Variants in SPOCD1 observed in about 807,000 individuals in gnomAD.
The protein encoded by SPOCD1 is SPOC domain-containing protein 1.
A neutral mutation model predicts 92.2 loss-of-function variants in SPOCD1; 64 were observed. That is an observed-to-expected ratio of 0.69 (90% CI 0.57 to 0.86). The LOEUF (loss-of-function observed/expected upper bound fraction) is 0.86. SPOCD1 is among the 40% of genes least tolerant of loss of function. SPOCD1 has a pLI of 0.00. For synonymous variants in SPOCD1, 578 were observed against 619.3 expected (o/e 0.93, Z 0.99); for missense variants, 1,360 against 1,543.1 (o/e 0.88, Z 1.99).
At chr1:31,792,561 G>T in intron 14 of SPOCD1, 117 bp downstream of exon 14, 1 of 1,125,648 alleles carries the variant, frequency 8.9e-7, no homozygotes, top group Non-Finnish European at 1.3e-6. Flanking sequence ...CAGTGAGTCT[G>T]CAGTCACTCT....
At position 31,814,775 on chromosome 1, in the gene SPOCD1, C is replaced by G. The variant is rs765715494; in HGVS notation, c.559G>C (p.Glu187Gln). 6.2e-6 allele frequency: 10 copies of G among 1,613,586 alleles called. No homozygotes were observed. Among genetic ancestry groups the G allele is most frequent in the African/African-American group, 2.7e-5 (2 of 74,916 alleles). The change falls in exon 2 of 16, where the codon GAG (glutamate) becomes CAG (glutamine). Residue 187 changes from glutamate to glutamine, a missense_variant. Transcript: ENST00000360482. This position sits in a 1 kb window ranked among gnomAD's most constrained non-coding sequence, Gnocchi z 4.2. The stretch of plus-strand genomic sequence containing the variant: ...GTCAGGGGCCTTCCAGGGGGCTCCT[C>G]TTTGCTGAGTGTGGGGCTTCTTCTG... ...CDRRSPTLSK[E>Q]EPPGRPLTSS...
At position 31,792,291 on chromosome 1, in the gene SPOCD1, C is replaced by T. The variant is rs1397350162; in HGVS notation, c.2886G>A (p.Glu962=). ...GGGGCAGCAGGACCATCCCCATGTGCTCCACAGAGGCCAGCCCGTGGCGCT... is the reference window on the plus strand; with the variant it reads ...GGGGCAGCAGGACCATCCCCATGTGTTCCACAGAGGCCAGCCCGTGGCGCT... ...DRQRHGLASV[E]HMGMVLLPLP... is the part of the protein sequence containing the mutation. The change falls in exon 15 of 16, where the codon GAG becomes GAA. Residue 962 remains glutamate (E), a synonymous_variant. Coordinates refer to ENST00000360482, the MANE Select transcript of SPOCD1 (RefSeq NM_144569.7). The T allele has an allele frequency of 6.2e-7, 1 of 1,613,786 alleles. No individual in the cohort carries two copies. The highest frequency in any genetic ancestry group is 8.5e-7 in the Non-Finnish European group (1 of 1,179,920).
At chr1:31,792,873 G>A in intron 13 of SPOCD1, 106 bp from the exon 14 acceptor site, 1 of 917,408 alleles carries the variant, frequency 1.1e-6, no homozygotes, top group South Asian at 1.4e-5. Context: ...AATATGGGCA[G>A]GCAGTGTTCC....
intron 10 of SPOCD1, chr1:31,795,227 T>C (rs1647924252): frequency 6.6e-6 from 1 of 152,238 alleles, no homozygotes; most frequent in South Asian, 2.1e-4. Context: ...ATCATTGCTT[T>C]AGGAAGGTTT....
intron 10 of SPOCD1, chr1:31,795,209 A>G (rs1160174485): frequency 6.6e-6 from 1 of 152,256 alleles, no homozygotes; most frequent in Non-Finnish European, 1.5e-5. Flanking sequence ...AGCTTTAAAC[A>G]TAAAACAATC....
At position 31,792,696 on chromosome 1, in the gene SPOCD1, G is replaced by T; in HGVS notation, c.2757C>A (p.Ile919=). ...CAGGTACCTTGGCCTTGGCTGGGCA[G>T]ATGCTGGCCAGAAGGTCCCAGACAA... is the stretch of plus-strand genomic sequence containing the variant. ...SNIVWDLLAS[I]CPAKAKDVCV... The change falls in exon 14 of 16, where the codon ATC becomes ATA. Residue 919 remains isoleucine, a synonymous_variant. Coordinates refer to ENST00000360482, the MANE Select transcript of SPOCD1 (RefSeq NM_144569.7). 6.2e-7 allele frequency: 1 copy of T among 1,604,784 alleles called. No individual in the cohort carries two copies. Among genetic ancestry groups the T allele is most frequent in the Non-Finnish European group, 8.5e-7 (1 of 1,176,138 alleles).
intron 2 of SPOCD1, 24 bp from the exon 3 acceptor site, chr1:31,801,729 G>A (rs762145340): frequency 1.5e-5 from 24 of 1,609,788 alleles, no homozygotes; most frequent in Admixed American, 1.7e-5. Context: ...AGGATGCAGA[G>A]ATTAGAATCC....
chr1:31,799,322 G>T, intron 7 of SPOCD1, 79 bp downstream of exon 7: 1 of 1,299,246 alleles, frequency 7.7e-7, no homozygotes, highest in Non-Finnish European at 1.1e-6. Context: ...GAAGCCCTTA[G>T]AACATGGCAG....
In SPOCD1 at chr1:31,814,148, C is replaced by T. The variant is rs746177563; in HGVS notation, c.1186G>A (p.Gly396Ser). Reference protein sequence around the residue: ...TCASSREPLGGLSSSLDTEAS... With the variant: ...TCASSREPLGSLSSSLDTEAS... ...TCAGTATCCAGGGAGGAGCTGAGGC[C>T]GCCCAAGGGCTCCCGGGAGCTGGCA... Residue 396 changes from glycine to serine, a missense_variant, in exon 2 of 16, where the codon GGC becomes AGC. Transcript: ENST00000360482. This position sits in a 1 kb window ranked among gnomAD's most constrained non-coding sequence, Gnocchi z 4.2. 25 of 1,586,348 alleles carry T rather than the reference C, an allele frequency of 1.6e-5. No individual in the cohort carries two copies. The highest frequency in any genetic ancestry group is 2.7e-5 in the African/African-American group (2 of 74,170).
At chr1:31,808,206 C>T (rs1648966297) in intron 2 of SPOCD1, among the ~76,000 whole-genome samples, 1 of 151,984 alleles carries the variant, frequency 6.6e-6, no homozygotes. Context: ...CATTTCAGGC[C>T]AGTTAATTCA....
At chr1:31,791,779 C>T (rs964173248) in intron 15 of SPOCD1, among the ~76,000 whole-genome samples, 2 of 152,178 alleles carry the variant, frequency 1.3e-5, no homozygotes, top group Non-Finnish European at 2.9e-5. Context: ...TTCAGGGGTG[C>T]CTACCTTGAG....
intron 2 of SPOCD1, among the ~76,000 whole-genome samples, chr1:31,808,446 C>T (rs747621274): frequency 2.0e-5 from 3 of 150,054 alleles, no homozygotes; most frequent in Non-Finnish European, 4.4e-5. Context: ...ATGCACTGTG[C>T]AATAATAATA....
Position 31,814,059 on chromosome 1 carries a change from C to A in SPOCD1, c.1275G>T (p.Leu425=), listed in dbSNP as rs773444099. Residue 425 remains leucine (L), a synonymous_variant, in exon 2 of 16, where the codon CTG becomes CTT. Transcript: ENST00000360482. This position sits in a 1 kb window ranked among gnomAD's most constrained non-coding sequence, Gnocchi z 4.2. ...GGGCACAGGGCACTGGACCTTTCTTCAGGTTCTTAGTGCCCTTGGATCTTC... is the reference window on the plus strand; with the variant it reads ...GGGCACAGGGCACTGGACCTTTCTTAAGGTTCTTAGTGCCCTTGGATCTTC... ...EQRRSKGTKN[L]KKGPVPCAQD... is the part of the protein sequence containing the mutation. 2.5e-6 allele frequency: 4 copies of A among 1,613,704 alleles called. No homozygotes were observed. In the East Asian group the frequency reaches 8.9e-5, roughly 36 times the overall value.
chr1:31,794,271 G>A (rs751870969), intron 10 of SPOCD1, 36 bp from the exon 11 acceptor site: 11 of 1,547,276 alleles, frequency 7.1e-6, no homozygotes, highest in Admixed American at 1.7e-5. Context: ...GGCTGAAAAC[G>A]TGGCTGGGGG....
chr1:31,790,795 G>A lies in SPOCD1; in HGVS notation c.3459C>T (p.Leu1153=), dbSNP rs147130590. The A allele has an allele frequency of 3.1e-5, 48 of 1,545,888 alleles. No homozygotes were observed. The African/African-American group carries it at 4.6e-4, about 15-fold the overall frequency. Residue 1153 remains leucine (L), a synonymous_variant, in exon 16 of 16, where the codon CTC becomes CTT. Coordinates refer to ENST00000360482, the MANE Select transcript of SPOCD1 (RefSeq NM_144569.7). Reference sequence around the variant, plus strand: ...GGTGACTCATGGTCGCCAGGGATTCGAGGTGCCGGAGCAGGGCTTGGTGGG... The same window carrying A: ...GGTGACTCATGGTCGCCAGGGATTCAAGGTGCCGGAGCAGGGCTTGGTGGG... ...SCPHQALLRH[L]ESLATMSHQL...
intron 2 of SPOCD1, among the ~76,000 whole-genome samples, chr1:31,807,139 G>A (rs1648874392): frequency 2.7e-5 from 4 of 149,856 alleles, no homozygotes; most frequent in Non-Finnish European, 5.9e-5. Flanking sequence ...TGTAATCCCA[G>A]CACTTTGGGA....
Position 31,793,785 on chromosome 1 carries a change from G to T in SPOCD1, c.2496C>A (p.Pro832=). 1 of 1,614,164 alleles carries T rather than the reference G, an allele frequency of 6.2e-7. No homozygotes were observed. The highest frequency in any genetic ancestry group is 8.5e-7 in the Non-Finnish European group (1 of 1,180,032). ...CCGTGGGAGACAACTCCCTGGTTTT[G>T]GGCATCTCTGGAGCAGGCATAGGAG... The part of the protein sequence containing the change: ...SQTPMPAPEM[P]KTRELSPTEP... Residue 832 remains proline, a synonymous_variant, in exon 12 of 16, where the codon CCC becomes CCA. Transcript: ENST00000360482.
rs536374187 is a variant in SPOCD1, at chr1:31,800,765, C to T, written c.1426-148G>A. The T allele has an allele frequency of 8.0e-4, 558 of 701,164 alleles. 3 individuals are homozygous for T. Among genetic ancestry groups the T allele is most frequent in the Non-Finnish European group, 1.0e-3 (446 of 440,016 alleles). The allele number at this position is 701,164 out of a possible 1,614,324, so 43.4% of individuals were successfully genotyped here. ...TAGAGAACATGCCTGTCCTGGTCCC[C>T]GCTGTATTTGCAATGCTTGGAAAAG... On this transcript the variant is annotated intron_variant, in intron 3 of 15. Transcript: ENST00000360482.
At position 31,792,095 on chromosome 1, in the gene SPOCD1, G is replaced by A. The variant is rs1647634117; in HGVS notation, c.2962+120C>T. 5 of 1,113,726 alleles carry A rather than the reference G, an allele frequency of 4.5e-6. No homozygotes were observed. The Admixed American group carries it at 7.9e-5, about 18-fold the overall frequency. The allele number at this position is 1,113,726 out of a possible 1,614,324, so 69.0% of individuals were successfully genotyped here. On this transcript the variant is annotated intron_variant, in intron 15 of 15. Coordinates refer to ENST00000360482, the MANE Select transcript of SPOCD1 (RefSeq NM_144569.7). Reference sequence around the variant, plus strand: ...CTGTCATTGTACTCACATTTGCCTGGCTGGGTGAGGAGTTCCCTTCTGAGA... The same window carrying A: ...CTGTCATTGTACTCACATTTGCCTGACTGGGTGAGGAGTTCCCTTCTGAGA...
Sources: allele counts gnomAD v4.1 joint callset (sites outside exome capture counted in the v4.1 genomes callset), GRCh38; gene constraint gnomAD v4.1.1; non-coding constraint Gnocchi (gnomAD v3.1); transcripts MANE v1.5; gene names NCBI Gene and HGNC (gene_info 2026-07-23, HGNC 2026-07-21).